Variants in KCNG2 observed in about 807,000 individuals in gnomAD.
KCNG2 encodes voltage-gated potassium channel regulatory subunit KCNG2.
In KCNG2, 7 loss-of-function variants were observed where a neutral mutation model predicts 12.3. That is an observed-to-expected ratio of 0.57 (90% CI 0.32 to 1.07). KCNG2 has a LOEUF of 1.07. Ranked by LOEUF, KCNG2 falls within the 50% of genes least tolerant of loss-of-function variation. KCNG2 has a pLI of 0.04. For synonymous variants in KCNG2, 414 were observed against 351.4 expected (o/e 1.18, Z -1.99); for missense variants, 703 against 726.0 (o/e 0.97, Z 0.36).
chr18:79,859,107 T>A (rs575334507), intron 2 of KCNG2, among the ~76,000 whole-genome samples: 1 of 152,366 alleles, frequency 6.6e-6, no homozygotes, highest in East Asian at 1.9e-4. Context: ...TTGTTGCTTG[T>A]GCTTTTGGCA....
In KCNG2 at chr18:79,884,167, C is replaced by T. The variant is rs1436794963; in HGVS notation, c.625-14873C>T. 6.6e-6 allele frequency among the ~76,000 whole-genome samples: 1 copy of T among 152,220 alleles called. No individual in the cohort carries two copies. The highest frequency in any genetic ancestry group is 1.5e-5 in the Non-Finnish European group (1 of 68,030). On this transcript the variant is annotated intron_variant, in intron 3 of 3. Transcript: ENST00000316249. The surrounding 1 kb of genome is among the most constrained non-coding windows in gnomAD (Gnocchi z 5.5). The stretch of plus-strand genomic sequence containing the variant: ...TCTCTGCCAGCACGAAGCCAGAGCT[C>T]AGCTCCCCAGCACAGCACAGAAGCT...
At chr18:79,811,115 C>T (rs893213808) in intron 1 of KCNG2, among the ~76,000 whole-genome samples, 6 of 152,126 alleles carry the variant, frequency 3.9e-5, no homozygotes, top group Non-Finnish European at 7.3e-5. Context: ...CCCATGTTCA[C>T]GGATAGGAAG....
chr18:79,827,616 G>C (rs911001054), intron 1 of KCNG2, among the ~76,000 whole-genome samples: 5 of 152,214 alleles, frequency 3.3e-5, no homozygotes, highest in Non-Finnish European at 5.9e-5. Context: ...GGCTCAGGAT[G>C]GAGCGGGAAG....
chr18:79,817,007 C>T (rs1251131396), intron 1 of KCNG2, among the ~76,000 whole-genome samples: 2 of 152,172 alleles, frequency 1.3e-5, no homozygotes, highest in East Asian at 3.8e-4. Context: ...ATGGTTGTCA[C>T]ACGGCTGCCA....
At chr18:79,802,897 G>C (rs1829394446) in intron 1 of KCNG2, among the ~76,000 whole-genome samples, 2 of 152,238 alleles carry the variant, frequency 1.3e-5, no homozygotes, top group African/African-American at 4.8e-5. Context: ...GTTAACGCTT[G>C]GCTGGGTGCG....
At chr18:79,813,753 T>C (rs2087509068) in intron 1 of KCNG2, among the ~76,000 whole-genome samples, 1 of 152,196 alleles carries the variant, frequency 6.6e-6, no homozygotes, top group Non-Finnish European at 1.5e-5. Context: ...ACTTGATAAA[T>C]TGGACCTCAT....
chr18:79,867,352 G>T (rs1230979285), intron 3 of KCNG2, among the ~76,000 whole-genome samples: 1 of 151,952 alleles, frequency 6.6e-6, no homozygotes, highest in East Asian at 1.9e-4. Context: ...GAGGAGGCAA[G>T]AGAAGGCAAA....
intron 2 of KCNG2, among the ~76,000 whole-genome samples, chr18:79,859,814 C>T (rs1979148911): frequency 6.6e-6 from 1 of 152,182 alleles, no homozygotes; most frequent in Admixed American, 6.5e-5. Flanking sequence ...TTCAATTCTG[C>T]TCCATTGATT....
chr18:79,846,412 C>G (rs1024811616), intron 1 of KCNG2, among the ~76,000 whole-genome samples: 7 of 143,624 alleles, frequency 4.9e-5, no homozygotes, highest in African/African-American at 1.5e-4. Flanking sequence ...GACTCTGTCT[C>G]AGAAAAAAAA....
chr18:79,885,373 T>G (rs186504581), intron 3 of KCNG2, among the ~76,000 whole-genome samples: 193 of 152,326 alleles, frequency 1.3e-3, no homozygotes, highest in African/African-American at 4.4e-3. Flanking sequence ...AATCAGGGTC[T>G]GTTTTCTGGG....
chr18:79,807,839 G>C (rs1599363002), intron 1 of KCNG2, among the ~76,000 whole-genome samples: 1 of 130,626 alleles, frequency 7.7e-6, no homozygotes, highest in African/African-American at 3.0e-5. Flanking sequence ...AGGAGCTGCC[G>C]GGGCCGCGCT....
At chr18:79,895,878 C>T (rs536063856) in intron 3 of KCNG2, among the ~76,000 whole-genome samples, 8 of 152,356 alleles carry the variant, frequency 5.3e-5, no homozygotes, top group Admixed American at 1.3e-4. Context: ...TCACGGAGCA[C>T]GTTGTTTCTG....
At position 79,863,610 on chromosome 18, in the gene KCNG2, G is replaced by C. The variant is rs1365831229; in HGVS notation, c.-40-18G>C. The C allele has an allele frequency of 6.2e-5, 74 of 1,187,094 alleles. No homozygotes were observed. The highest frequency in any genetic ancestry group is 8.4e-5 in the Admixed American group (2 of 23,752). 73.5% of individuals were successfully genotyped at this position (1,187,094 alleles called of 1,614,324 possible). A position where few individuals can be genotyped will look rare whatever the true frequency, so the allele number is the denominator to read the frequency against. ...AGCTCAGCCCTCGCGACCCTAACGCGGTCCGTTCCTTTTGCAGGAGCCGGG... is the reference window on the plus strand; with the variant it reads ...AGCTCAGCCCTCGCGACCCTAACGCCGTCCGTTCCTTTTGCAGGAGCCGGG... On this transcript the variant is annotated intron_variant, in intron 2 of 3. Transcript: ENST00000316249.
At chr18:79,821,851 G>A (rs939267533) in intron 1 of KCNG2, among the ~76,000 whole-genome samples, 5 of 152,228 alleles carry the variant, frequency 3.3e-5, no homozygotes, top group Non-Finnish European at 5.9e-5. Context: ...CTTTGAGATT[G>A]GAAGTGTGAG....
At chr18:79,828,963 CTGTA>C (rs1460969201) in intron 1 of KCNG2, among the ~76,000 whole-genome samples, 1 of 113,564 alleles carries the variant, frequency 8.8e-6, no homozygotes, top group African/African-American at 3.5e-5. Flanking sequence ...GTGCATGTGT[CTGTA>C]TGTGGGTGTC....
intron 3 of KCNG2, among the ~76,000 whole-genome samples, chr18:79,876,825 GA>G: frequency 6.6e-6 from 1 of 152,250 alleles, no homozygotes; most frequent in Non-Finnish European, 1.5e-5. Context: ...GTTTGGCACA[GA>G]ACACCATGCT....
At chr18:79,845,533 C>A (rs1471743875) in intron 1 of KCNG2, among the ~76,000 whole-genome samples, 1 of 152,174 alleles carries the variant, frequency 6.6e-6, no homozygotes, top group African/African-American at 2.4e-5. Flanking sequence ...ACTGTACATA[C>A]CCTGCTTTGT....
chr18:79,859,074 A>G (rs1456939605), intron 2 of KCNG2, among the ~76,000 whole-genome samples: 1 of 152,142 alleles, frequency 6.6e-6, no homozygotes, highest in Non-Finnish European at 1.5e-5. Context: ...ATTGGAATGA[A>G]GTCCAATTTA....
chr18:79,868,017 C>T (rs1483384875), intron 3 of KCNG2, among the ~76,000 whole-genome samples: 1 of 152,180 alleles, frequency 6.6e-6, no homozygotes, highest in Non-Finnish European at 1.5e-5. Context: ...AGGCTGCCTT[C>T]CCCCGTCGTC....
Sources: allele counts gnomAD v4.1 joint callset (sites outside exome capture counted in the v4.1 genomes callset), GRCh38; gene constraint gnomAD v4.1.1; non-coding constraint Gnocchi (gnomAD v3.1); transcripts MANE v1.5; gene names NCBI Gene and HGNC (gene_info 2026-07-23, HGNC 2026-07-21).